Variants in FUT9 observed in about 807,000 individuals in gnomAD.
The protein encoded by FUT9 is fucosyltransferase 9.
In FUT9, 15 loss-of-function variants were observed where a neutral mutation model predicts 29.7. The observed-to-expected ratio is 0.51, with a 90% CI of 0.34 to 0.78. The LOEUF is 0.78. FUT9 is among the 30% of genes least tolerant of loss of function. FUT9 has a pLI of 0.01. For synonymous variants in FUT9, 169 were observed against 153.7 expected, an observed-to-expected ratio of 1.10 and a Z score of -0.74; for missense variants, 319 against 425.4, an observed-to-expected ratio of 0.75 and a Z score of 2.20.
intron 1 of FUT9, among the ~76,000 whole-genome samples, chr6:96,098,452 A>G (rs1196899285): frequency 6.6e-6 from 1 of 152,148 alleles, no homozygotes; most frequent in Non-Finnish European, 1.5e-5. Flanking sequence ...CACCTAAAAG[A>G]CTATAGCTAG....
At chr6:96,112,510 A>T (rs1243407913) in intron 1 of FUT9, among the ~76,000 whole-genome samples, 1 of 152,240 alleles carries the variant, frequency 6.6e-6, no homozygotes, top group East Asian at 1.9e-4. Context: ...GGAAAATTAA[A>T]TTATTTTTCT....
chr6:96,136,803 A>T (rs916024251), intron 2 of FUT9, among the ~76,000 whole-genome samples: 1 of 152,004 alleles, frequency 6.6e-6, no homozygotes, highest in Non-Finnish European at 1.5e-5. Flanking sequence ...CAGAAAAAAA[A>T]TAATTGCGAG....
chr6:96,038,028 T>G (rs934146147), intron 1 of FUT9, among the ~76,000 whole-genome samples: 1 of 152,146 alleles, frequency 6.6e-6, no homozygotes, highest in Non-Finnish European at 1.5e-5. Context: ...ACTGCAGGTG[T>G]GTGGTGCCTT....
intron 1 of FUT9, among the ~76,000 whole-genome samples, chr6:96,073,707 C>T (rs764880511): frequency 2.0e-5 from 3 of 152,090 alleles, no homozygotes; most frequent in Non-Finnish European, 2.9e-5. Flanking sequence ...GGAACAGAAA[C>T]ATTAAAGGCG....
chr6:96,200,095 A>C (rs1047144948), intron 2 of FUT9, among the ~76,000 whole-genome samples: 15 of 152,086 alleles, frequency 9.9e-5, no homozygotes, highest in Admixed American at 2.6e-4. Context: ...TCACTTAATC[A>C]TTTTGGGCCT....
chr6:96,048,938 A>G (rs1770615129), intron 1 of FUT9, among the ~76,000 whole-genome samples: 1 of 152,172 alleles, frequency 6.6e-6, no homozygotes, highest in Non-Finnish European at 1.5e-5. Flanking sequence ...GGTAACCTTC[A>G]GGAAATTATT....
In FUT9 at chr6:96,150,424, A is replaced by G. The variant is rs148697738; in HGVS notation, c.-9+36297A>G. 5.9e-3 allele frequency among the ~76,000 whole-genome samples: 901 copies of G among 152,328 alleles called. 7 individuals are homozygous for G. Among genetic ancestry groups the G allele is most frequent in the African/African-American group, 0.021 (868 of 41,576 alleles). ...CTGAAAAGAGGACTTGATCTTCCTG[A>G]GCCTCTAGTGTGTGAAAGAGAACAA... On this transcript the variant is annotated intron_variant, in intron 2 of 2. Coordinates refer to ENST00000302103, the MANE Select transcript of FUT9 (RefSeq NM_006581.4).
At chr6:96,197,441 C>CA (rs201695164) in intron 2 of FUT9, among the ~76,000 whole-genome samples, 3,268 of 22,472 alleles carry the variant, frequency 0.15, 150 homozygotes, top group East Asian at 0.48. Context: ...GTCTTCATGC[C>CA]AAAAGTAAAT....
intron 1 of FUT9, among the ~76,000 whole-genome samples, chr6:96,112,331 T>C (rs956874896): frequency 6.6e-6 from 1 of 152,160 alleles, no homozygotes; most frequent in African/African-American, 2.4e-5. Context: ...TTACAAAATA[T>C]AGACAAATTT....
At chr6:96,157,172 T>C (rs1043576633) in intron 2 of FUT9, among the ~76,000 whole-genome samples, 1 of 152,212 alleles carries the variant, frequency 6.6e-6, no homozygotes, top group Non-Finnish European at 1.5e-5. Flanking sequence ...GATTTCTTCT[T>C]ATATTCTTTG....
intron 1 of FUT9, among the ~76,000 whole-genome samples, chr6:96,040,141 T>C (rs933920166): frequency 6.6e-6 from 1 of 152,200 alleles, no homozygotes; most frequent in Non-Finnish European, 1.5e-5. Context: ...AATGCTATAT[T>C]GTTTGCAGTG....
At chr6:96,182,754 A>T (rs1773332212) in intron 2 of FUT9, among the ~76,000 whole-genome samples, 1 of 151,880 alleles carries the variant, frequency 6.6e-6, no homozygotes, top group African/African-American at 2.4e-5. Flanking sequence ...GCTTGTAAGT[A>T]TTTGGGTTTA....
chr6:96,184,719 A>T (rs2127986928), intron 2 of FUT9, among the ~76,000 whole-genome samples: 1 of 152,216 alleles, frequency 6.6e-6, no homozygotes, highest in South Asian at 2.1e-4. Context: ...CCTGATGATT[A>T]TTCAAGAGCA....
chr6:96,035,871 ATATAATACAT>A (rs1770351553), intron 1 of FUT9, among the ~76,000 whole-genome samples: 1 of 109,968 alleles, frequency 9.1e-6, no homozygotes, highest in Non-Finnish European at 2.0e-5. Flanking sequence ...TATTAATATA[ATATAATACAT>A]TATGTTTATT....
At chr6:96,058,017 G>A (rs1770804004) in intron 1 of FUT9, among the ~76,000 whole-genome samples, 1 of 151,954 alleles carries the variant, frequency 6.6e-6, no homozygotes, top group Admixed American at 6.6e-5. Context: ...GAAGACACAT[G>A]ATCTCATCTG....
chr6:96,046,768 A>G (rs141266595), intron 1 of FUT9, among the ~76,000 whole-genome samples: 64 of 152,336 alleles, frequency 4.2e-4, no homozygotes, highest in Middle Eastern at 3.4e-3. Context: ...ATATATGTAC[A>G]TCTGTTCCAA....
chr6:96,035,548 C>T (rs1770337495), intron 1 of FUT9, among the ~76,000 whole-genome samples: 1 of 147,750 alleles, frequency 6.8e-6, no homozygotes, highest in Admixed American at 6.9e-5. Context: ...GAAATATTGG[C>T]CCATAGTTTT....
At chr6:96,116,135 T>C (rs548834641) in intron 2 of FUT9, among the ~76,000 whole-genome samples, 24 of 152,314 alleles carry the variant, frequency 1.6e-4, no homozygotes, top group African/African-American at 5.5e-4. Context: ...GTAAAATATC[T>C]GAGCTTTACC....
intron 1 of FUT9, among the ~76,000 whole-genome samples, chr6:96,055,382 G>GTTTT (rs769042727): frequency 9.5e-6 from 1 of 104,746 alleles, no homozygotes; most frequent in Non-Finnish European, 2.1e-5. Flanking sequence ...GCTGTTTGGG[G>GTTTT]TTTGTTTTTT....
Sources: allele counts gnomAD v4.1 joint callset (sites outside exome capture counted in the v4.1 genomes callset), GRCh38; gene constraint gnomAD v4.1.1; transcripts MANE v1.5; gene names NCBI Gene and HGNC (gene_info 2026-07-23, HGNC 2026-07-21).